Variants in COG6 observed in about 807,000 individuals in gnomAD.
COG6 encodes the protein conserved oligomeric Golgi complex subunit 6.
A neutral mutation model predicts 88.8 loss-of-function variants in COG6; 74 were observed. The observed-to-expected ratio is 0.83, with a 90% CI of 0.69 to 1.01. The LOEUF is 1.01. Ranked by LOEUF, COG6 falls within the 50% of genes least tolerant of loss-of-function variation. The probability of loss-of-function intolerance (pLI) is 0.00; values close to 1 mark genes in which losing one functional copy is unlikely to be tolerated. For synonymous variants in COG6, 286 were observed against 278.7 expected (o/e 1.03, Z -0.26); for missense variants, 800 against 797.9 (o/e 1.00, Z -0.03).
rs372000607 is a variant in COG6, at chr13:39,665,174, A to G, written c.428+20A>G. 28 of 1,337,530 alleles carry G rather than the reference A, an allele frequency of 2.1e-5. No individual in the cohort carries two copies. The highest frequency in any genetic ancestry group is 2.6e-5 in the Non-Finnish European group (24 of 929,586). The allele number at this position is 1,337,530 out of a possible 1,614,324, so 82.9% of individuals were successfully genotyped here. ...TGAAAGGTAAGTTTTTCTTCATACA[A>G]CCACCTTTTCAATAATTTGGAGATT... On this transcript the variant is annotated intron_variant, in intron 4 of 18. Transcript: ENST00000455146.
chr13:39,768,646 A>G (rs1881234035), intron 18 of COG6, among the ~76,000 whole-genome samples: 4 of 152,154 alleles, frequency 2.6e-5, no homozygotes, highest in Admixed American at 1.3e-4. Flanking sequence ...ACTCATCTTC[A>G]TACTACCTTT....
chr13:39,685,900 C>T (rs1351626138), intron 8 of COG6, among the ~76,000 whole-genome samples: 1 of 152,100 alleles, frequency 6.6e-6, no homozygotes, highest in Non-Finnish European at 1.5e-5. Flanking sequence ...AATCTCAAAA[C>T]CATTTCTTTT....
At chr13:39,734,125 T>C (rs1879606296) in intron 18 of COG6, among the ~76,000 whole-genome samples, 1 of 152,116 alleles carries the variant, frequency 6.6e-6, no homozygotes, top group Admixed American at 6.5e-5. Flanking sequence ...GCTCTGATCT[T>C]TATTTTCTTC....
At chr13:39,731,831 T>TA (rs746873219) in intron 18 of COG6, among the ~76,000 whole-genome samples, 32 of 150,776 alleles carry the variant, frequency 2.1e-4, no homozygotes, top group Admixed American at 6.0e-4. Flanking sequence ...GGGGTAAAAT[T>TA]AAAAAAAAAT....
chr13:39,691,356 A>C (rs1876969585), intron 11 of COG6, among the ~76,000 whole-genome samples: 1 of 151,990 alleles, frequency 6.6e-6, no homozygotes, highest in South Asian at 2.1e-4. Context: ...TTTAATGTAC[A>C]TACCCAGAAA....
chr13:39,674,017 A>T (rs1260996305), intron 4 of COG6, among the ~76,000 whole-genome samples: 1 of 152,072 alleles, frequency 6.6e-6, no homozygotes, highest in Non-Finnish European at 1.5e-5. Flanking sequence ...TTGCCAATGT[A>T]GATGAAAAAT....
chr13:39,682,315 T>C, intron 8 of COG6, 51 bp downstream of exon 8: 1 of 1,062,148 alleles, frequency 9.4e-7, no homozygotes, highest in Non-Finnish European at 1.5e-6. Context: ...TCTTTTGATA[T>C]CTTACTTTAA....
intron 4 of COG6, among the ~76,000 whole-genome samples, chr13:39,674,829 G>A (rs1196594380): frequency 2.0e-5 from 3 of 152,094 alleles, no homozygotes; most frequent in Admixed American, 1.3e-4. Context: ...AGCCGTCTCA[G>A]TTATCAGATT....
chr13:39,739,077 G>A (rs976395916), intron 18 of COG6, among the ~76,000 whole-genome samples: 21 of 152,156 alleles, frequency 1.4e-4, no homozygotes, highest in Admixed American at 1.2e-3. Flanking sequence ...AATACACATT[G>A]TTTTTAAGTA....
intron 1 of COG6, among the ~76,000 whole-genome samples, chr13:39,659,069 CAT>C (rs1174740430): frequency 1.3e-5 from 2 of 151,998 alleles, no homozygotes; most frequent in African/African-American, 4.8e-5. Context: ...ATGAGTATAT[CAT>C]AATTTATTTA....
At chr13:39,742,501 CAAAG>C (rs1444055884) in intron 18 of COG6, among the ~76,000 whole-genome samples, 4 of 151,876 alleles carry the variant, frequency 2.6e-5, no homozygotes, top group African/African-American at 4.8e-5. Context: ...TCAAAAGAGA[CAAAG>C]AAGGCCATTA....
In COG6 at chr13:39,673,169, C is replaced by A. The variant is rs150169647; in HGVS notation, c.429-4299C>A. ...GATACATTATTTGCAGCCATTTTCT[C>A]CCATTTTTTGGGTTATCTTCACATT... On this transcript the variant is annotated intron_variant, in intron 4 of 18. Coordinates refer to ENST00000455146, the MANE Select transcript of COG6 (RefSeq NM_020751.3). 6.9e-4 allele frequency among the ~76,000 whole-genome samples: 105 copies of A among 152,080 alleles called. No homozygotes were observed. In the East Asian group the frequency reaches 0.019, roughly 28 times the overall value.
intron 1 of COG6, chr13:39,656,790 G>A: frequency 2.2e-6 from 1 of 455,716 alleles, no homozygotes; most frequent in South Asian, 1.6e-5. Flanking sequence ...ATCATGATTT[G>A]AGTAAGTCCC....
chr13:39,658,586 A>C (rs1250584254), intron 1 of COG6, among the ~76,000 whole-genome samples: 1 of 152,220 alleles, frequency 6.6e-6, no homozygotes, highest in Non-Finnish European at 1.5e-5. Context: ...AAGTTGGAAT[A>C]AACTTTTATA....
chr13:39,722,617 C>CAA (rs67889057), intron 15 of COG6, among the ~76,000 whole-genome samples: 9 of 105,816 alleles, frequency 8.5e-5, no homozygotes, highest in East Asian at 7.6e-4. Flanking sequence ...TGTACTGGCA[C>CAA]AAAAAAAAAA....
intron 18 of COG6, among the ~76,000 whole-genome samples, chr13:39,769,596 G>C (rs1425772789): frequency 6.6e-6 from 1 of 152,156 alleles, no homozygotes; most frequent in Admixed American, 6.5e-5. Context: ...ACAATTATTA[G>C]AAATTATTAT....
intron 1 of COG6, among the ~76,000 whole-genome samples, chr13:39,657,847 C>G (rs1043500636): frequency 2.0e-5 from 3 of 152,098 alleles, no homozygotes; most frequent in Non-Finnish European, 4.4e-5. Context: ...CATGATTACT[C>G]TCAAATTTAT....
intron 2 of COG6, 90 bp from the exon 3 acceptor site, chr13:39,660,720 T>C: frequency 1.1e-6 from 1 of 878,092 alleles, no homozygotes; most frequent in South Asian, 1.4e-5. Context: ...AAATAAAAAA[T>C]TATGTAACTA....
chr13:39,672,926 GCT>G (rs1284665367), intron 4 of COG6, among the ~76,000 whole-genome samples: 1 of 151,976 alleles, frequency 6.6e-6, no homozygotes, highest in Non-Finnish European at 1.5e-5. Flanking sequence ...TGATAGCCAT[GCT>G]ACTGGGTGTG....
Sources: allele counts gnomAD v4.1 joint callset (sites outside exome capture counted in the v4.1 genomes callset), GRCh38; gene constraint gnomAD v4.1.1; transcripts MANE v1.5; gene names NCBI Gene and HGNC (gene_info 2026-07-23, HGNC 2026-07-21).